Variants in SLC44A1 observed in about 807,000 individuals in gnomAD.
The protein encoded by SLC44A1 is choline transporter-like protein 1.
SLC44A1 carries 26 observed loss-of-function variants against 79.3 expected under a neutral mutation model. That is an observed-to-expected ratio of 0.33 (90% CI 0.24 to 0.46). The LOEUF (loss-of-function observed/expected upper bound fraction) is 0.46. Ranked by LOEUF, SLC44A1 falls within the 20% of genes least tolerant of loss-of-function variation. The pLI, the probability that SLC44A1 is intolerant of heterozygous loss-of-function variation, is 1.00. For synonymous variants in SLC44A1, 263 were observed against 286.2 expected, an observed-to-expected ratio of 0.92 and a Z score of 0.82; for missense variants, 688 against 798.1, an observed-to-expected ratio of 0.86 and a Z score of 1.66.
chr9:105,351,624 G>GAA (rs1291143354), intron 5 of SLC44A1, among the ~76,000 whole-genome samples: 167 of 54,734 alleles, frequency 3.1e-3, no homozygotes, highest in East Asian at 7.6e-3. Flanking sequence ...GAAAGAAAGA[G>GAA]AGAGAAAGAG....
chr9:105,271,619 C>G (rs1830079006), intron 1 of SLC44A1, among the ~76,000 whole-genome samples: 1 of 151,808 alleles, frequency 6.6e-6, no homozygotes, highest in African/African-American at 2.4e-5. Context: ...TGATCTTTTT[C>G]TTTTTTTTCT....
intron 12 of SLC44A1, among the ~76,000 whole-genome samples, chr9:105,368,532 G>C (rs897399552): frequency 1.3e-5 from 2 of 152,120 alleles, no homozygotes. Context: ...CAAATCACGA[G>C]ACCTAAAGGT....
intron 2 of SLC44A1, chr9:105,299,739 C>T: frequency 3.1e-6 from 3 of 980,168 alleles, no homozygotes; most frequent in African/African-American, 1.8e-5. Flanking sequence ...TCTGCCTGTC[C>T]TAGGCCCCTG....
chr9:105,414,959 C>A (rs1380473219), intron 15 of SLC44A1, among the ~76,000 whole-genome samples: 3 of 150,938 alleles, frequency 2.0e-5, no homozygotes, highest in Non-Finnish European at 4.4e-5. Context: ...ATTTTTTTTT[C>A]CTCTCAGAGT....
intron 7 of SLC44A1, among the ~76,000 whole-genome samples, chr9:105,358,806 CTT>C (rs1204660159): frequency 6.6e-6 from 1 of 152,080 alleles, no homozygotes; most frequent in Non-Finnish European, 1.5e-5. Context: ...TGTTTTCTCT[CTT>C]TGCTACACGA....
chr9:105,435,279 T>C (rs12338806), intron 15 of SLC44A1, among the ~76,000 whole-genome samples: 18,007 of 152,194 alleles, frequency 0.12, 2,759 homozygotes, highest in African/African-American at 0.36. Context: ...GTTATGTCTG[T>C]GCCTAATTGA....
intron 15 of SLC44A1, among the ~76,000 whole-genome samples, chr9:105,432,110 C>T (rs779875427): frequency 5.3e-5 from 8 of 152,144 alleles, no homozygotes; most frequent in African/African-American, 7.2e-5. Flanking sequence ...TTAGTAGAGA[C>T]GGAGTTTCAC....
At chr9:105,404,417 T>G (rs1829002143) in intron 15 of SLC44A1, among the ~76,000 whole-genome samples, 1 of 152,078 alleles carries the variant, frequency 6.6e-6, no homozygotes, top group Non-Finnish European at 1.5e-5. Flanking sequence ...AATAATTTAC[T>G]TTTCACCTGG....
intron 4 of SLC44A1, among the ~76,000 whole-genome samples, chr9:105,347,536 A>G (rs1193020914): frequency 6.6e-6 from 1 of 152,052 alleles, no homozygotes; most frequent in Non-Finnish European, 1.5e-5. Flanking sequence ...TATACTAAGG[A>G]AATCAATGTA....
intron 8 of SLC44A1, among the ~76,000 whole-genome samples, chr9:105,362,048 G>A (rs1384278554): frequency 6.6e-6 from 1 of 151,700 alleles, no homozygotes; most frequent in Non-Finnish European, 1.5e-5. Flanking sequence ...GTGTGTTTGT[G>A]TGTGCGTGTG....
At chr9:105,419,111 T>A (rs965591889) in intron 15 of SLC44A1, among the ~76,000 whole-genome samples, 2 of 152,100 alleles carry the variant, frequency 1.3e-5, no homozygotes, top group African/African-American at 4.8e-5. Context: ...GAAAAAGATT[T>A]ACAAGCTGAA....
chr9:105,341,649 G>C (rs1208001877), intron 4 of SLC44A1, among the ~76,000 whole-genome samples: 2 of 152,160 alleles, frequency 1.3e-5, no homozygotes, highest in Admixed American at 6.5e-5. Flanking sequence ...TCACGCAGTA[G>C]ATAAGTAGAT....
rs1828826427 is a variant in SLC44A1 at position 105,394,232 on chromosome 9, A to G, written c.*5176A>G. 2.0e-6 allele frequency: 2 copies of G among 985,200 alleles called. No homozygotes were observed. The highest frequency in any genetic ancestry group is 1.1e-4 in the East Asian group (1 of 8,818). 61.0% of individuals were successfully genotyped at this position (985,200 alleles called of 1,614,324 possible). A position where few individuals can be genotyped will look rare whatever the true frequency, so the allele number is the denominator to read the frequency against. ...ATGAGGAAGTGATTAGGCCTCCACT[A>G]GAGATACTTTTGAGATGATGCTTAC... On this transcript the variant is annotated 3_prime_UTR_variant, in exon 16 of 16. Transcript: ENST00000374720.
chr9:105,314,755 T>C (rs1831274981), intron 3 of SLC44A1, among the ~76,000 whole-genome samples: 1 of 152,242 alleles, frequency 6.6e-6, no homozygotes, highest in South Asian at 2.1e-4. Context: ...TGCATTTTAT[T>C]TGAGCTCTTT....
At chr9:105,364,438 C>G in intron 9 of SLC44A1, 117 bp from the exon 10 acceptor site, 1 of 749,666 alleles carries the variant, frequency 1.3e-6, no homozygotes, top group Admixed American at 2.7e-5. Flanking sequence ...TATGAAATAC[C>G]ACACAGATCA....
chr9:105,431,207 T>TAA (rs1197024649), intron 15 of SLC44A1, among the ~76,000 whole-genome samples: 6 of 152,236 alleles, frequency 3.9e-5, no homozygotes, highest in African/African-American at 1.4e-4. Context: ...CATTGATCTA[T>TAA]TTTGAATTAA....
In SLC44A1 at chr9:105,390,451, A is replaced by T. The variant is rs1236910442; in HGVS notation, c.*1395A>T. The T allele has an allele frequency of 2.1e-6, 2 of 972,488 alleles. No homozygotes were observed. Among genetic ancestry groups the T allele is most frequent in the Non-Finnish European group, 2.4e-6 (2 of 821,114 alleles). 60.2% of individuals were successfully genotyped at this position (972,488 alleles called of 1,614,324 possible). ...TGTACAAAAAAAAAAAAAAAAAAAA[A>T]GCCTCAGCATTTTATCATTCCATGG... is the stretch of plus-strand genomic sequence containing the variant. On this transcript the variant is annotated 3_prime_UTR_variant, in exon 16 of 16. Transcript: ENST00000374720.
rs76165019 is a variant in SLC44A1 at position 105,368,591 on chromosome 9, C to T, written c.1494+2162C>T. Among the ~76,000 whole-genome samples the T allele has an allele frequency of 2.2e-3, 330 of 152,306 alleles. 2 individuals carry two copies. Among genetic ancestry groups the T allele is most frequent in the African/African-American group, 7.8e-3 (326 of 41,548 alleles). ...GCCTTGCTCTTTCCAGTATATCACA[C>T]TGCTGCCATTATATCACACTTATAT... On this transcript the variant is annotated intron_variant, in intron 12 of 15. Coordinates refer to ENST00000374720, the MANE Select transcript of SLC44A1 (RefSeq NM_080546.5).
At chr9:105,339,231 T>TAAAA (rs111867599) in intron 4 of SLC44A1, among the ~76,000 whole-genome samples, 1 of 148,220 alleles carries the variant, frequency 6.7e-6, no homozygotes. Context: ...AGATCTACTA[T>TAAAA]AAAAAAAAAA....
Sources: gnomAD v4.1 joint callset for allele counts (sites outside exome capture counted in the v4.1 genomes callset) on GRCh38, gnomAD v4.1.1 for gene constraint, MANE v1.5 for transcripts, NCBI Gene and HGNC (gene_info 2026-07-23, HGNC 2026-07-21) for gene names.